The following ZNF804B variants were observed in gnomAD, a reference collection of about 807,000 sequenced individuals.
ZNF804B encodes zinc finger 804B.
Under a neutral mutation model 101.4 loss-of-function variants are expected in ZNF804B, and 80 were observed. The observed-to-expected ratio is 0.79, with a 90% confidence interval of 0.66 to 0.95. ZNF804B has a LOEUF of 0.95. Among genes scored for constraint, ZNF804B ranks in the 40% least tolerant of loss-of-function variants. The pLI, the probability that ZNF804B is intolerant of heterozygous loss-of-function variation, is 0.00. For missense variants in ZNF804B, 1,673 were observed against 1,561.9 expected (o/e 1.07, Z -1.20); for synonymous variants, 622 against 558.8 (o/e 1.11, Z -1.59).
rs28447009 is a variant in ZNF804B, at chr7:88,787,512, A to G, written c.108+27428A>G. Among the ~76,000 whole-genome samples, 309 of 152,276 alleles carry G rather than the reference A, an allele frequency of 2.0e-3. 2 individuals carry two copies. The highest frequency in any genetic ancestry group is 7.2e-3 in the African/African-American group (299 of 41,566). ...TGAATCTGAGAATATTACTTAAAAGATGAGGTTTGCACAGTTTTGTTGCAG... is the reference window on the plus strand; with the variant it reads ...TGAATCTGAGAATATTACTTAAAAGGTGAGGTTTGCACAGTTTTGTTGCAG... On this transcript the variant is annotated intron_variant, in intron 1 of 3. Transcript: ENST00000333190.
chr7:89,120,166 C>T (rs1790378603), intron 1 of ZNF804B, among the ~76,000 whole-genome samples: 2 of 152,040 alleles, frequency 1.3e-5, no homozygotes, highest in Non-Finnish European at 2.9e-5. Context: ...TACCTGTAAT[C>T]CCAGCTACTT....
chr7:89,062,115 G>C (rs1457903031), intron 1 of ZNF804B, among the ~76,000 whole-genome samples: 1 of 152,024 alleles, frequency 6.6e-6, no homozygotes, highest in Admixed American at 6.6e-5. Context: ...CCAGAAAGAA[G>C]GCCCTTCTCA....
intron 1 of ZNF804B, among the ~76,000 whole-genome samples, chr7:89,175,128 G>C (rs1397798740): frequency 6.7e-6 from 1 of 149,030 alleles, no homozygotes; most frequent in Admixed American, 6.7e-5. Context: ...TGCTTTGGTT[G>C]CCTGTGCTCA....
intron 2 of ZNF804B, among the ~76,000 whole-genome samples, chr7:89,278,450 C>T (rs953642907): frequency 2.7e-5 from 4 of 150,250 alleles, no homozygotes; most frequent in African/African-American, 9.8e-5. Flanking sequence ...AATGGTAATG[C>T]CTAGGTTTTC....
intron 2 of ZNF804B, among the ~76,000 whole-genome samples, chr7:89,222,921 T>C (rs1035873007): frequency 6.6e-6 from 1 of 151,988 alleles, no homozygotes; most frequent in Non-Finnish European, 1.5e-5. Context: ...TTGGATAATA[T>C]TGAAATACTT....
At chr7:89,097,131 A>C (rs1789981548) in intron 1 of ZNF804B, among the ~76,000 whole-genome samples, 1 of 152,188 alleles carries the variant, frequency 6.6e-6, no homozygotes, top group African/African-American at 2.4e-5. Flanking sequence ...GTGCAGCTGC[A>C]TCTCTGGACA....
intron 1 of ZNF804B, among the ~76,000 whole-genome samples, chr7:88,964,003 G>A (rs58672529): frequency 0.16 from 24,578 of 151,172 alleles, 2,756 homozygotes; most frequent in East Asian, 0.4. Flanking sequence ...AAAGAAAGCT[G>A]AACAATCCCC....
chr7:89,185,305 T>C (rs1788358826), intron 1 of ZNF804B, among the ~76,000 whole-genome samples: 1 of 152,074 alleles, frequency 6.6e-6, no homozygotes, highest in Non-Finnish European at 1.5e-5. Flanking sequence ...AACACAGAAG[T>C]CTTACGCATA....
intron 1 of ZNF804B, among the ~76,000 whole-genome samples, chr7:89,128,428 T>C (rs1426521132): frequency 6.6e-6 from 1 of 151,988 alleles, no homozygotes; most frequent in African/African-American, 2.4e-5. Context: ...TTAAAATAAA[T>C]ACATTAATTT....
chr7:89,035,977 TGTA>T (rs1380150290), intron 1 of ZNF804B, among the ~76,000 whole-genome samples: 3 of 143,936 alleles, frequency 2.1e-5, no homozygotes, highest in South Asian at 4.2e-4. Context: ...TATTATATAT[TGTA>T]GTATAGTATA....
rs375081264 is a variant in ZNF804B, at chr7:88,821,914, A to G, written c.108+61830A>G. On this transcript the variant is annotated intron_variant, in intron 1 of 3. Coordinates refer to ENST00000333190, the MANE Select transcript of ZNF804B (RefSeq NM_181646.5). ...TTTTTTACTTCATATAGAAGCAAAA[A>G]GTATGAGGAATGCTGGAGCACCATT... Among the ~76,000 whole-genome samples the G allele has an allele frequency of 6.3e-4, 96 of 152,298 alleles. 2 individuals are homozygous for G. In the South Asian group the frequency reaches 0.019, roughly 31 times the overall value.
At chr7:88,907,573 T>A (rs897496622) in intron 1 of ZNF804B, among the ~76,000 whole-genome samples, 1 of 151,952 alleles carries the variant, frequency 6.6e-6, no homozygotes, top group Admixed American at 6.6e-5. Context: ...ATGAGTGAGG[T>A]ACTATTACTA....
chr7:88,969,080 G>T (rs1225544686), intron 1 of ZNF804B, among the ~76,000 whole-genome samples: 5 of 151,518 alleles, frequency 3.3e-5, no homozygotes, highest in African/African-American at 9.7e-5. Context: ...GTTAGAAAGT[G>T]TCTATCTCTT....
intron 2 of ZNF804B, among the ~76,000 whole-genome samples, chr7:89,252,145 G>A (rs1445771565): frequency 9.2e-5 from 14 of 151,980 alleles, no homozygotes; most frequent in East Asian, 1.9e-4. Context: ...GAAAGTATTC[G>A]CAAACTGTGC....
chr7:89,230,732 G>A (rs1789180188), intron 2 of ZNF804B, among the ~76,000 whole-genome samples: 1 of 151,726 alleles, frequency 6.6e-6, no homozygotes, highest in Non-Finnish European at 1.5e-5. Flanking sequence ...ACATACATCT[G>A]ATTTTCTAAA....
chr7:89,128,140 T>C (rs1461239855), intron 1 of ZNF804B, among the ~76,000 whole-genome samples: 3 of 151,784 alleles, frequency 2.0e-5, no homozygotes, highest in Non-Finnish European at 4.4e-5. Flanking sequence ...TTGAATGTTT[T>C]GATTTTTTTT....
At chr7:88,899,552 C>T (rs538513509) in intron 1 of ZNF804B, among the ~76,000 whole-genome samples, 14 of 152,334 alleles carry the variant, frequency 9.2e-5, no homozygotes, top group African/African-American at 3.4e-4. Context: ...AGCCAATCAT[C>T]TTGCCTCCAG....
intron 1 of ZNF804B, among the ~76,000 whole-genome samples, chr7:89,082,235 A>T (rs1789707996): frequency 6.6e-6 from 1 of 151,728 alleles, no homozygotes; most frequent in Non-Finnish European, 1.5e-5. Flanking sequence ...ATCCTAAATT[A>T]TATTAAAATT....
intron 1 of ZNF804B, among the ~76,000 whole-genome samples, chr7:89,187,913 C>T (rs926938144): frequency 3.3e-5 from 5 of 152,110 alleles, no homozygotes; most frequent in Non-Finnish European, 7.4e-5. Flanking sequence ...AGGAAGTCAT[C>T]ACTTCTAGCT....
Sources: gnomAD v4.1 joint callset for allele counts (sites outside exome capture counted in the v4.1 genomes callset) on GRCh38, gnomAD v4.1.1 for gene constraint, MANE v1.5 for transcripts, NCBI Gene and HGNC (gene_info 2026-07-23, HGNC 2026-07-21) for gene names.